Variants in ELMOD3 observed in about 807,000 individuals in gnomAD.
ELMOD3 encodes ELMO domain containing 3, also known as ELMO domain-containing protein 3.
Under a neutral mutation model 47.4 loss-of-function variants are expected in ELMOD3, and 36 were observed. The observed-to-expected ratio is 0.76, with a 90% CI of 0.58 to 1.00. The LOEUF (loss-of-function observed/expected upper bound fraction) is 1.00. ELMOD3 is among the 50% of genes least tolerant of loss of function. The pLI is 0.00. For missense variants in ELMOD3, 404 were observed against 463.8 expected (o/e 0.87, Z 1.18); for synonymous variants, 149 against 183.5 (o/e 0.81, Z 1.52).
chr2:85,366,951 C>T lies in ELMOD3; in HGVS notation c.200-1735C>T, dbSNP rs78872575. 4.4e-3 allele frequency among the ~76,000 whole-genome samples: 672 copies of T among 152,194 alleles called. 14 individuals carry two copies. In the East Asian group the frequency reaches 0.062, roughly 14 times the overall value. Reference sequence around the variant, plus strand: ...ATTGTTGATGTCCTCTGTAGCAAACCGGAAAAGTCAGTGACAGAAGATGCC... The same window carrying T: ...ATTGTTGATGTCCTCTGTAGCAAACTGGAAAAGTCAGTGACAGAAGATGCC... On this transcript the variant is annotated intron_variant, in intron 6 of 13. Transcript: ENST00000409013.
At chr2:85,364,040 A>ATC (rs1684168691) in intron 6 of ELMOD3, among the ~76,000 whole-genome samples, 2 of 152,130 alleles carry the variant, frequency 1.3e-5, no homozygotes, top group Non-Finnish European at 2.9e-5. Context: ...GAGGCACAAG[A>ATC]ATTGCATGAA....
chr2:85,367,268 C>T (rs1000028798), intron 6 of ELMOD3, among the ~76,000 whole-genome samples: 1 of 152,124 alleles, frequency 6.6e-6, no homozygotes, highest in Non-Finnish European at 1.5e-5. Context: ...TCATCCAGAC[C>T]GATGAGGTCA....
At chr2:85,383,481 A>T (rs1685729060) in intron 11 of ELMOD3, among the ~76,000 whole-genome samples, 1 of 152,020 alleles carries the variant, frequency 6.6e-6, no homozygotes, top group Non-Finnish European at 1.5e-5. Flanking sequence ...AAAACCATAA[A>T]ACCCAACCCC....
chr2:85,373,710 G>A lies in ELMOD3; in HGVS notation c.607+2148G>A, dbSNP rs149659712. On this transcript the variant is annotated intron_variant, in intron 10 of 13. Coordinates refer to ENST00000409013, the MANE Select transcript of ELMOD3 (RefSeq NM_001135022.2). ...AAAAATTAGCCAGGCATGGTGGCGCGTGCCTGTAGTCCCAGCTACGTGGGA... is the reference window on the plus strand; with the variant it reads ...AAAAATTAGCCAGGCATGGTGGCGCATGCCTGTAGTCCCAGCTACGTGGGA... 3.1e-3 allele frequency among the ~76,000 whole-genome samples: 467 copies of A among 151,728 alleles called. 1 individual carries two copies. The highest frequency in any genetic ancestry group is 0.01 in the African/African-American group (431 of 41,370).
chr2:85,363,133 C>T lies in ELMOD3; in HGVS notation c.166C>T (p.Leu56=), dbSNP rs1412063117. 1.2e-6 allele frequency: 2 copies of T among 1,612,898 alleles called. No individual in the cohort carries two copies. The highest frequency in any genetic ancestry group is 1.1e-5 in the South Asian group (1 of 90,990). Residue 56 remains leucine, a synonymous_variant, in exon 6 of 14, where the codon CTG becomes TTG. Transcript: ENST00000409013. ...ELKNHGILQA[L]TTEAYEWEPR... The stretch of plus-strand genomic sequence containing the variant: ...GAAGAACCATGGCATTCTCCAGGCT[C>T]TGACCACAGAAGCTTATGAATGGGA...
intron 2 of ELMOD3, 156 bp downstream of exon 2, chr2:85,355,326 T>A (rs1266960659): frequency 1.3e-5 from 2 of 152,126 alleles, no homozygotes; most frequent in Non-Finnish European, 2.9e-5. Flanking sequence ...GGTGAAAGGA[T>A]CAGCTAAGGG....
At chr2:85,368,790 C>G in intron 7 of ELMOD3, 36 bp downstream of exon 7, 2 of 1,610,840 alleles carry the variant, frequency 1.2e-6, no homozygotes, top group Non-Finnish European at 1.7e-6. Flanking sequence ...CCCATAGCCC[C>G]TCTGCCAGCA....
chr2:85,371,625 G>A (rs1573113037), intron 10 of ELMOD3, 63 bp downstream of exon 10: 2 of 1,602,124 alleles, frequency 1.2e-6, no homozygotes, highest in African/African-American at 1.3e-5. Context: ...AGAGTGAGAG[G>A]CCAGGTCGTT....
At chr2:85,379,024 A>C (rs1020874129) in intron 11 of ELMOD3, among the ~76,000 whole-genome samples, 1 of 152,196 alleles carries the variant, frequency 6.6e-6, no homozygotes, top group African/African-American at 2.4e-5. Flanking sequence ...AAGTCTATAC[A>C]TCAGTAGGCA....
At chr2:85,387,766 C>T (rs1282121678) in intron 11 of ELMOD3, among the ~76,000 whole-genome samples, 1 of 152,038 alleles carries the variant, frequency 6.6e-6, no homozygotes, top group Non-Finnish European at 1.5e-5. Flanking sequence ...TCCAAGACCA[C>T]CTGCAGGTTC....
At chr2:85,387,353 T>A in intron 11 of ELMOD3, 1 of 563,440 alleles carries the variant, frequency 1.8e-6, no homozygotes, top group Non-Finnish European at 2.3e-6. Flanking sequence ...GATAAAATGT[T>A]AAGTGTTGAC....
rs759699457 is a variant in ELMOD3 at position 85,356,880 on chromosome 2, C to CAA, written c.-232-73_-232-72dup. The CAA allele has an allele frequency of 0.032, 4,441 of 139,854 alleles. 168 individuals are homozygous for CAA. The highest frequency in any genetic ancestry group is 0.1 in the African/African-American group (3,570 of 34,758). The allele number at this position is 139,854 out of a possible 1,614,324, so 8.7% of individuals were successfully genotyped here. A position where few individuals can be genotyped will look rare whatever the true frequency, so the allele number is the denominator to read the frequency against. On this transcript the variant is annotated intron_variant, in intron 3 of 13. Coordinates refer to ENST00000409013, the MANE Select transcript of ELMOD3 (RefSeq NM_001135022.2). ...TGGGCAACAGGGCAAGACTCCAACT[C>CAA]AAAAAAAAAAAAAAATTGTCAACAG...
intron 11 of ELMOD3, among the ~76,000 whole-genome samples, chr2:85,377,898 A>G (rs1024287229): frequency 3.9e-5 from 6 of 152,160 alleles, no homozygotes; most frequent in African/African-American, 1.2e-4. Flanking sequence ...TCCGGTTTCT[A>G]TTGGCTGGAA....
rs551581909 is a variant in ELMOD3 at position 85,391,590 on chromosome 2, A to G, written c.*628A>G. On this transcript the variant is annotated 3_prime_UTR_variant, in exon 14 of 14. Coordinates refer to ENST00000409013, the MANE Select transcript of ELMOD3 (RefSeq NM_001135022.2). ...TCCATTGTTTATGATGGAAAAACGGACATTTGGCTAGGTGTCTCTCACGGC... is the reference window on the plus strand; with the variant it reads ...TCCATTGTTTATGATGGAAAAACGGGCATTTGGCTAGGTGTCTCTCACGGC... 5 of 153,142 alleles carry G rather than the reference A, an allele frequency of 3.3e-5. No individual in the cohort carries two copies. In the East Asian group the frequency reaches 9.6e-4, roughly 30 times the overall value. 9.5% of individuals were successfully genotyped at this position (153,142 alleles called of 1,614,324 possible).
chr2:85,378,228 A>C (rs1024347823), intron 11 of ELMOD3, among the ~76,000 whole-genome samples: 1 of 152,208 alleles, frequency 6.6e-6, no homozygotes, highest in African/African-American at 2.4e-5. Context: ...AGAAGTTACT[A>C]TTTATCTTAA....
chr2:85,388,441 T>C (rs991256033), intron 11 of ELMOD3, among the ~76,000 whole-genome samples: 1 of 152,224 alleles, frequency 6.6e-6, no homozygotes, highest in African/African-American at 2.4e-5. Flanking sequence ...GTTAACTTTT[T>C]TCTGCACAGC....
chr2:85,354,801 ACCC>A lies in ELMOD3; in HGVS notation c.-397_-395del, dbSNP rs745564893. ...GATGAGGCCTAGCCGAGGCGGCGGG[ACCC>A]CCAAGTTTGGAAAGCTCTTTTAACG... is the stretch of plus-strand genomic sequence containing the variant. On this transcript the variant is annotated 5_prime_UTR_variant, in exon 1 of 14. Transcript: ENST00000409013. 3.3e-6 allele frequency: 1 copy of A among 305,616 alleles called. No individual in the cohort carries two copies. Among genetic ancestry groups the A allele is most frequent in the Non-Finnish European group, 6.1e-6 (1 of 163,700 alleles). 18.9% of individuals were successfully genotyped at this position (305,616 alleles called of 1,614,324 possible).
rs143103711 is a variant in ELMOD3, at chr2:85,389,683, A to G, written c.739-68A>G. 5.6e-5 allele frequency: 77 copies of G among 1,369,160 alleles called. No individual in the cohort carries two copies. The East Asian group carries it at 1.8e-3, about 31-fold the overall frequency. 84.8% of individuals were successfully genotyped at this position (1,369,160 alleles called of 1,614,324 possible). A position where few individuals can be genotyped will look rare whatever the true frequency, so the allele number is the denominator to read the frequency against. ...GCTGTGCTTGCCTGCGAGCCACACCAGGCTGCAGATGACAGGAAACACAGT... is the reference window on the plus strand; with the variant it reads ...GCTGTGCTTGCCTGCGAGCCACACCGGGCTGCAGATGACAGGAAACACAGT... On this transcript the variant is annotated intron_variant, in intron 11 of 13. Coordinates refer to ENST00000409013, the MANE Select transcript of ELMOD3 (RefSeq NM_001135022.2).
At position 85,368,814 on chromosome 2, in the gene ELMOD3, C is replaced by T. The variant is rs1276384639; in HGVS notation, c.268+60C>T. Reference sequence around the variant, plus strand: ...CCTCTGCCAGCAAAGGCACCATCCACACATGTGGCAAATGTTTCTGTGAGT... The same window carrying T: ...CCTCTGCCAGCAAAGGCACCATCCATACATGTGGCAAATGTTTCTGTGAGT... On this transcript the variant is annotated intron_variant, in intron 7 of 13. Coordinates refer to ENST00000409013, the MANE Select transcript of ELMOD3 (RefSeq NM_001135022.2). 8.3e-6 allele frequency: 13 copies of T among 1,560,334 alleles called. No homozygotes were observed. In the South Asian group the frequency reaches 1.2e-4, roughly 15 times the overall value.
Sources: gnomAD v4.1 joint callset for allele counts (sites outside exome capture counted in the v4.1 genomes callset) on GRCh38, gnomAD v4.1.1 for gene constraint, MANE v1.5 for transcripts, NCBI Gene and HGNC (gene_info 2026-07-23, HGNC 2026-07-21) for gene names.